ACTN4: variants seen among roughly 807,000 people sequenced by gnomAD.
ACTN4 encodes the protein actinin alpha 4.
ACTN4 carries 18 observed loss-of-function variants against 114.2 expected under a neutral mutation model. The ratio of observed to expected loss-of-function variants is 0.16; its 90% CI spans 0.11 to 0.23. The LOEUF is 0.23. Among genes scored for constraint, ACTN4 ranks in the 10% least tolerant of loss-of-function variants. The probability of loss-of-function intolerance (pLI) is 1.00; values close to 1 mark genes in which losing one functional copy is unlikely to be tolerated. For missense variants in ACTN4, 722 were observed against 1,262.9 expected (o/e 0.57, Z 6.49); for synonymous variants, 515 against 506.3 (o/e 1.02, Z -0.23).
chr19:38,674,286 T>C (rs1239685600), intron 1 of ACTN4, among the ~76,000 whole-genome samples: 1 of 152,068 alleles, frequency 6.6e-6, no homozygotes, highest in East Asian at 1.9e-4. Flanking sequence ...AGAAATAAAA[T>C]GAGACCAAGA....
rs571174675 is a variant in ACTN4 at position 38,724,096 on chromosome 19, C to T, written c.1692+19C>T. Reference sequence around the variant, plus strand: ...GATTGAGGTTCGCACCCCCCGGCCCCCCATCTTCCCAAGAGCCTCTGTGGG... The same window carrying T: ...GATTGAGGTTCGCACCCCCCGGCCCTCCATCTTCCCAAGAGCCTCTGTGGG... On this transcript the variant is annotated intron_variant, in intron 14 of 20. Coordinates refer to ENST00000252699, the MANE Select transcript of ACTN4 (RefSeq NM_004924.6). The surrounding 1 kb of genome is among the most constrained non-coding windows in gnomAD (Gnocchi z 7.0). 1.2e-6 allele frequency: 2 copies of T among 1,613,640 alleles called. No individual in the cohort carries two copies. The highest frequency in any genetic ancestry group is 1.3e-5 in the African/African-American group (1 of 75,014).
In ACTN4 at chr19:38,664,502, G is replaced by A. The variant is rs118182695; in HGVS notation, c.162+16595G>A. Among the ~76,000 whole-genome samples, 30 of 152,204 alleles carry A rather than the reference G, an allele frequency of 2.0e-4. No homozygotes were observed. The East Asian group carries it at 4.3e-3, about 22-fold the overall frequency. ...TGACAGCTGTAATATAGCTCAGTTC[G>A]TGCAAGTAAGGTAGGGGCAGAAATC... On this transcript the variant is annotated intron_variant, in intron 1 of 20. Transcript: ENST00000252699.
chr19:38,672,347 TCTC>T (rs1041947294), intron 1 of ACTN4, among the ~76,000 whole-genome samples: 2 of 150,702 alleles, frequency 1.3e-5, no homozygotes, highest in African/African-American at 4.9e-5. Flanking sequence ...TTCAAGCAAT[TCTC>T]CTGCCTCAGC....
In ACTN4 at chr19:38,709,480, A is replaced by G. The variant is rs1029555945; in HGVS notation, c.733+4A>G. 2 of 1,612,310 alleles carry G rather than the reference A, an allele frequency of 1.2e-6. No individual in the cohort carries two copies. The highest frequency in any genetic ancestry group is 2.7e-5 in the African/African-American group (2 of 75,000). ...CCCAAGATGCTGGATGCAGAGGGTA[A>G]GTCATCTCTTCTGTTCAGCCACCAC... On this transcript the variant is annotated splice_donor_region_variant and intron_variant, in intron 7 of 20. Coordinates refer to ENST00000252699, the MANE Select transcript of ACTN4 (RefSeq NM_004924.6).
intron 1 of ACTN4, among the ~76,000 whole-genome samples, chr19:38,691,748 TA>T (rs1231883346): frequency 2.6e-5 from 4 of 151,564 alleles, no homozygotes; most frequent in Non-Finnish European, 1.5e-5. Flanking sequence ...ACTGAAAATA[TA>T]AAAATTAGCC....
At position 38,699,525 on chromosome 19, in the gene ACTN4, C is replaced by T. The variant is rs1026422909; in HGVS notation, c.163-1075C>T. Reference sequence around the variant, plus strand: ...ATCCCAGCAGTTTGGGAGACCGAGGCGGGTAGATCACTTGAGGCCAGGAGT... The same window carrying T: ...ATCCCAGCAGTTTGGGAGACCGAGGTGGGTAGATCACTTGAGGCCAGGAGT... On this transcript the variant is annotated intron_variant, in intron 1 of 20. Transcript: ENST00000252699. Among the ~76,000 whole-genome samples the T allele has an allele frequency of 3.3e-5, 5 of 151,990 alleles. No homozygotes were observed. The East Asian group carries it at 7.7e-4, about 23-fold the overall frequency.
intron 1 of ACTN4, among the ~76,000 whole-genome samples, chr19:38,681,238 G>A (rs531705630): frequency 6.6e-6 from 1 of 151,916 alleles, no homozygotes; most frequent in Non-Finnish European, 1.5e-5. Context: ...TGTGAAGATG[G>A]TATCTGATGC....
At chr19:38,728,048 C>A (rs376713610) in intron 19 of ACTN4, 22 bp downstream of exon 19, 2 of 1,594,364 alleles carry the variant, frequency 1.3e-6, no homozygotes, top group African/African-American at 1.3e-5. Context: ...TGGGCCCCAG[C>A]GGACCATGGC....
chr19:38,647,734 A>G lies in ACTN4; in HGVS notation c.-12A>G, dbSNP rs765202375. 7.8e-6 allele frequency: 12 copies of G among 1,539,682 alleles called. No individual in the cohort carries two copies. Among genetic ancestry groups the G allele is most frequent in the Non-Finnish European group, 1.0e-5 (12 of 1,144,380 alleles). On this transcript the variant is annotated 5_prime_UTR_variant, in exon 1 of 21. Transcript: ENST00000252699. The stretch of plus-strand genomic sequence containing the variant: ...GAGCGGACAGGCTGGTGGGCGAGCG[A>G]GAGGCGGCGGAATGGTGGACTACCA...
chr19:38,648,231 T>C, intron 1 of ACTN4: 1 of 238,598 alleles, frequency 4.2e-6, no homozygotes, highest in Non-Finnish European at 8.1e-6. Context: ...CAGGCTGAAA[T>C]GGAACTGGGA....
At chr19:38,728,500 C>A (rs924231947) in intron 19 of ACTN4, 1 of 718,280 alleles carries the variant, frequency 1.4e-6, no homozygotes, top group Non-Finnish European at 2.1e-6. Context: ...TCCTCGGGGA[C>A]ACTCCTCCGC....
At chr19:38,716,048 C>T (rs972803254) in intron 9 of ACTN4, among the ~76,000 whole-genome samples, 19 of 152,026 alleles carry the variant, frequency 1.2e-4, no homozygotes, top group Admixed American at 3.9e-4. Context: ...ATTACAGGCG[C>T]GCACCACCAC....
rs980247629 is a variant in ACTN4 at position 38,724,633 on chromosome 19, C to G, written c.2010+68C>G. On this transcript the variant is annotated intron_variant, in intron 16 of 20. Coordinates refer to ENST00000252699, the MANE Select transcript of ACTN4 (RefSeq NM_004924.6). This position sits in a 1 kb window ranked among gnomAD's most constrained non-coding sequence, Gnocchi z 7.0. ...AGAGCTCCCGTAGTGAGGGGGTCCCCGGCCAGCCCAGGGCCTGCAGACTGA... is the reference window on the plus strand; with the variant it reads ...AGAGCTCCCGTAGTGAGGGGGTCCCGGGCCAGCCCAGGGCCTGCAGACTGA... 1 of 1,607,196 alleles carries G rather than the reference C, an allele frequency of 6.2e-7. No individual in the cohort carries two copies. Among genetic ancestry groups the G allele is most frequent in the Non-Finnish European group, 8.5e-7 (1 of 1,179,450 alleles).
chr19:38,696,110 G>A (rs977228220), intron 1 of ACTN4, among the ~76,000 whole-genome samples: 2 of 152,140 alleles, frequency 1.3e-5, no homozygotes, highest in Admixed American at 6.5e-5. Context: ...CCCGCCCCTA[G>A]TAGACTCTAT....
chr19:38,649,352 G>GT (rs1406730794), intron 1 of ACTN4, among the ~76,000 whole-genome samples: 1 of 141,278 alleles, frequency 7.1e-6, no homozygotes, highest in African/African-American at 2.6e-5. Flanking sequence ...AGCGTGGTGA[G>GT]TGGGTGTGTG....
intron 1 of ACTN4, among the ~76,000 whole-genome samples, chr19:38,673,549 ATATATACT>A (rs1967228762): frequency 2.0e-5 from 2 of 101,096 alleles, no homozygotes; most frequent in African/African-American, 3.3e-5. Context: ...ATATATATTT[ATATATACT>A]TATATATATT....
rs1187297764 is a variant in ACTN4 at position 38,729,478 on chromosome 19, G to A, written c.*46G>A. The stretch of plus-strand genomic sequence containing the variant: ...ACACCCCCGACGGCCTCCAGGAGGG[G>A]CCTGGGCAGCCCCACAGTCCCATTC... On this transcript the variant is annotated 3_prime_UTR_variant, in exon 21 of 21. Coordinates refer to ENST00000252699, the MANE Select transcript of ACTN4 (RefSeq NM_004924.6). 1 of 1,474,176 alleles carries A rather than the reference G, an allele frequency of 6.8e-7. No individual in the cohort carries two copies. The highest frequency in any genetic ancestry group is 3.1e-5 in the East Asian group (1 of 32,722). The allele number at this position is 1,474,176 out of a possible 1,614,324, so 91.3% of individuals were successfully genotyped here.
intron 1 of ACTN4, among the ~76,000 whole-genome samples, chr19:38,651,506 T>A (rs1054572445): frequency 6.6e-6 from 1 of 152,088 alleles, no homozygotes; most frequent in Non-Finnish European, 1.5e-5. Context: ...AAGGGTGAGA[T>A]CTCTTGAAGG....
chr19:38,704,716 C>T (rs895750683), intron 3 of ACTN4, among the ~76,000 whole-genome samples: 6 of 152,316 alleles, frequency 3.9e-5, no homozygotes, highest in East Asian at 3.9e-4. Context: ...AGCCTGCAGG[C>T]GCTCAGCAGC....
Sources: gnomAD v4.1 joint callset for allele counts (sites outside exome capture counted in the v4.1 genomes callset) on GRCh38, gnomAD v4.1.1 for gene constraint, Gnocchi (gnomAD v3.1) non-coding constraint, MANE v1.5 for transcripts, NCBI Gene and HGNC (gene_info 2026-07-23, HGNC 2026-07-21) for gene names.